The following CYP19A1 variants were observed in gnomAD, a reference collection of about 807,000 sequenced individuals.
CYP19A1 encodes aromatase.
A neutral mutation model predicts 44.4 loss-of-function variants in CYP19A1; 32 were observed. The ratio of observed to expected loss-of-function variants is 0.72; its 90% confidence interval spans 0.54 to 0.97. The LOEUF (loss-of-function observed/expected upper bound fraction) is 0.97. CYP19A1 is among the 50% of genes least tolerant of loss of function. The probability of loss-of-function intolerance (pLI) is 0.00; values close to 1 mark genes in which losing one functional copy is unlikely to be tolerated. For synonymous variants in CYP19A1, 212 were observed against 215.6 expected (o/e 0.98, Z 0.14); for missense variants, 598 against 637.8 (o/e 0.94, Z 0.67).
At chr15:51,324,209 A>C (rs1309843659) in intron 1 of CYP19A1, among the ~76,000 whole-genome samples, 2 of 152,204 alleles carry the variant, frequency 1.3e-5, no homozygotes, top group Admixed American at 1.3e-4. Flanking sequence ...CACCAGCCCC[A>C]AAAAGAGTGG....
intron 4 of CYP19A1, among the ~76,000 whole-genome samples, chr15:51,224,966 A>C (rs2032447966): frequency 1.3e-5 from 2 of 152,184 alleles, no homozygotes; most frequent in Admixed American, 1.3e-4. Context: ...TTTCTTAATT[A>C]GCTTCTACCT....
intron 1 of CYP19A1, among the ~76,000 whole-genome samples, chr15:51,301,498 T>C (rs2036112474): frequency 6.6e-6 from 1 of 152,198 alleles, no homozygotes; most frequent in African/African-American, 2.4e-5. Context: ...AAATGAATGC[T>C]TTTCCCCTCC....
At chr15:51,273,037 C>T (rs937430519) in intron 1 of CYP19A1, among the ~76,000 whole-genome samples, 1 of 152,072 alleles carries the variant, frequency 6.6e-6, no homozygotes, top group Non-Finnish European at 1.5e-5. Context: ...CGGCTCACTG[C>T]AACCTCCGCC....
chr15:51,272,998 G>A (rs569415059), intron 1 of CYP19A1, among the ~76,000 whole-genome samples: 1 of 151,324 alleles, frequency 6.6e-6, no homozygotes. Flanking sequence ...TCACTCTTTC[G>A]CCCAGGCTAG....
intron 2 of CYP19A1, chr15:51,242,369 A>G: frequency 3.4e-6 from 1 of 290,292 alleles, no homozygotes; most frequent in South Asian, 3.8e-5. Context: ...AGTGAAAGGG[A>G]GAAGAAAAGC....
intron 3 of CYP19A1, 148 bp downstream of exon 3, chr15:51,236,711 T>C: frequency 2.1e-6 from 2 of 957,512 alleles, no homozygotes; most frequent in Admixed American, 2.0e-5. Context: ...TTTGCAATGT[T>C]AGATTTCTGG....
chr15:51,282,593 G>C (rs777596215), intron 1 of CYP19A1, among the ~76,000 whole-genome samples: 2 of 152,164 alleles, frequency 1.3e-5, no homozygotes, highest in African/African-American at 2.4e-5. Context: ...TGGCCACCTG[G>C]ACCCACTTTC....
intron 1 of CYP19A1, among the ~76,000 whole-genome samples, chr15:51,318,166 T>C (rs1346900293): frequency 6.6e-6 from 1 of 152,154 alleles, no homozygotes; most frequent in African/African-American, 2.4e-5. Flanking sequence ...AGCACAGTGC[T>C]CGGTGCTTTA....
chr15:51,273,880 G>A (rs1410880922), intron 1 of CYP19A1, among the ~76,000 whole-genome samples: 22 of 152,080 alleles, frequency 1.4e-4, no homozygotes, highest in African/African-American at 3.6e-4. Flanking sequence ...GGTGGCAGGC[G>A]CCTGTAATCC....
chr15:51,284,190 T>G (rs1417205488), intron 1 of CYP19A1, among the ~76,000 whole-genome samples: 1 of 152,208 alleles, frequency 6.6e-6, no homozygotes, highest in African/African-American at 2.4e-5. Context: ...AACAGGCGAC[T>G]TTGGTAGTAC....
intron 2 of CYP19A1, among the ~76,000 whole-genome samples, chr15:51,237,288 T>A (rs925079271): frequency 8.5e-5 from 13 of 152,156 alleles, no homozygotes; most frequent in African/African-American, 3.1e-4. Context: ...TGAACTGGGG[T>A]GTGTGTGCTA....
Position 51,210,942 on chromosome 15 carries a change from C to A in CYP19A1, c.1378G>T (p.Val460Leu), listed in dbSNP as rs372500474. The A allele has an allele frequency of 1.2e-4, 190 of 1,609,360 alleles. No homozygotes were observed. Among genetic ancestry groups the A allele is most frequent in the Non-Finnish European group, 1.5e-4 (182 of 1,175,784 alleles). Residue 460 changes from valine to leucine, a missense_variant, in exon 10 of 10, where the codon GTG (valine) becomes TTG (leucine). Val to Leu is a conservative substitution (Grantham distance 32). Coordinates refer to ENST00000396402, the MANE Select transcript of CYP19A1 (RefSeq NM_000103.4). ...ILVTLLRRFHVKTLQGQCVES... is the reference protein window; with the variant it reads ...ILVTLLRRFHLKTLQGQCVES... ...ACACACTGTCCTTGCAATGTCTTCA[C>A]GTGGAATCGTCTCAGAAGTGTAACG...
chr15:51,327,835 A>G (rs1487990790), intron 1 of CYP19A1, among the ~76,000 whole-genome samples: 1 of 152,214 alleles, frequency 6.6e-6, no homozygotes, highest in African/African-American at 2.4e-5. Flanking sequence ...AAACCCATAG[A>G]TAATATATCT....
intron 1 of CYP19A1, among the ~76,000 whole-genome samples, chr15:51,273,353 T>C (rs1040894394): frequency 1.3e-5 from 2 of 152,232 alleles, no homozygotes; most frequent in Non-Finnish European, 2.9e-5. Flanking sequence ...TACATGTTTA[T>C]ATTCAGCAGG....
At chr15:51,248,919 A>G (rs886705375) in intron 1 of CYP19A1, among the ~76,000 whole-genome samples, 1 of 149,412 alleles carries the variant, frequency 6.7e-6, no homozygotes, top group African/African-American at 2.5e-5. Context: ...TGTCTACAAG[A>G]CTTTCAAATT....
Position 51,280,534 on chromosome 15 carries a change from T to C in CYP19A1, c.-38-37584A>G, listed in dbSNP as rs115639761. On this transcript the variant is annotated intron_variant, in intron 1 of 9. Transcript: ENST00000396402. The stretch of plus-strand genomic sequence containing the variant: ...CTAGGACATGAGGTCCTACACCTCA[T>C]TTTGGCCACTTCCTACCTATCAGGA... Among the ~76,000 whole-genome samples the C allele has an allele frequency of 7.7e-3, 1,180 of 152,262 alleles. 20 individuals are homozygous for C. The highest frequency in any genetic ancestry group is 0.027 in the African/African-American group (1,135 of 41,544).
chr15:51,210,946 G>C lies in CYP19A1; in HGVS notation c.1374C>G (p.Phe458Leu), dbSNP rs748439278. The C allele has an allele frequency of 3.1e-6, 5 of 1,608,940 alleles. No individual in the cohort carries two copies. In the African/African-American group the frequency reaches 4.0e-5, roughly 13 times the overall value. Reference protein sequence around the residue: ...KAILVTLLRRFHVKTLQGQCV... With the variant: ...KAILVTLLRRLHVKTLQGQCV... ...ACTGTCCTTGCAATGTCTTCACGTG[G>C]AATCGTCTCAGAAGTGTAACGAGGA... Residue 458 changes from phenylalanine (F) to leucine (L), a missense_variant, in exon 10 of 10, where the codon TTC (phenylalanine) becomes TTG (leucine). Phe to Leu is a conservative substitution (Grantham distance 22, BLOSUM62 0). Transcript: ENST00000396402.
intron 1 of CYP19A1, chr15:51,323,681 C>T (rs774772205): frequency 1.3e-5 from 2 of 152,382 alleles, no homozygotes; most frequent in African/African-American, 2.4e-5. Flanking sequence ...AGCACCCTGC[C>T]TCCTCCTCTG....
At chr15:51,276,270 G>T (rs977716242) in intron 1 of CYP19A1, among the ~76,000 whole-genome samples, 22 of 152,188 alleles carry the variant, frequency 1.4e-4, no homozygotes, top group African/African-American at 5.3e-4. Flanking sequence ...TTCGTCAGAT[G>T]GCTCATTATG....
Sources: gnomAD v4.1 joint callset for allele counts (sites outside exome capture counted in the v4.1 genomes callset) on GRCh38, gnomAD v4.1.1 for gene constraint, MANE v1.5 for transcripts, NCBI Gene and HGNC (gene_info 2026-07-23, HGNC 2026-07-21) for gene names.